The following CNTLN variants were observed in gnomAD, a reference collection of about 807,000 sequenced individuals.
CNTLN encodes the protein centlein.
A neutral mutation model predicts 180.0 loss-of-function variants in CNTLN; 212 were observed. That is an observed-to-expected ratio of 1.18 (90% confidence interval 1.05 to 1.32). The LOEUF (loss-of-function observed/expected upper bound fraction) is 1.32. Among genes scored for constraint, CNTLN ranks in the 40% most tolerant of loss-of-function variants. The pLI is 0.00. For missense variants in CNTLN, 2,095 were observed against 1,610.9 expected, an observed-to-expected ratio of 1.30 and a Z score of -5.14; for synonymous variants, 722 against 563.1, an observed-to-expected ratio of 1.28 and a Z score of -3.99.
intron 5 of CNTLN, among the ~76,000 whole-genome samples, chr9:17,267,448 C>G (rs1249350214): frequency 6.6e-6 from 1 of 152,086 alleles, no homozygotes; most frequent in East Asian, 1.9e-4. Context: ...GTAACCCGAC[C>G]TTTCTCTCTG....
rs559368244 is a variant in CNTLN, at chr9:17,153,567, CT to C, written c.449+10194del. ...GGCTTCCCTTTGCGGGTAACCCAAT[CT>C]TTCTTACTGCCCTTAACATTTTTTC... On this transcript the variant is annotated intron_variant, in intron 2 of 25. Transcript: ENST00000380647. 3.0e-4 allele frequency among the ~76,000 whole-genome samples: 46 copies of C among 152,314 alleles called. 1 individual carries two copies. Among genetic ancestry groups the C allele is most frequent in the African/African-American group, 1.1e-3 (45 of 41,580 alleles).
intron 2 of CNTLN, among the ~76,000 whole-genome samples, chr9:17,177,477 C>T (rs938038475): frequency 6.6e-6 from 1 of 152,154 alleles, no homozygotes; most frequent in Admixed American, 6.5e-5. Context: ...TTCTTCGTCT[C>T]ACTGACTTCA....
intron 13 of CNTLN, among the ~76,000 whole-genome samples, chr9:17,378,669 C>G (rs1824980235): frequency 6.6e-6 from 1 of 151,882 alleles, no homozygotes; most frequent in South Asian, 2.1e-4. Context: ...TGTGGCTTTT[C>G]TTTTACAATT....
intron 2 of CNTLN, among the ~76,000 whole-genome samples, chr9:17,178,538 A>G (rs1820886856): frequency 6.6e-6 from 1 of 152,054 alleles, no homozygotes; most frequent in Non-Finnish European, 1.5e-5. Context: ...TGGGGGACTC[A>G]GGCATGGCGA....
chr9:17,491,143 A>G (rs989350202), intron 25 of CNTLN, among the ~76,000 whole-genome samples: 1 of 152,100 alleles, frequency 6.6e-6, no homozygotes, highest in Non-Finnish European at 1.5e-5. Context: ...TATGATACCC[A>G]AAACAGTCCT....
At chr9:17,345,012 CCG>C (rs1821770221) in intron 12 of CNTLN, among the ~76,000 whole-genome samples, 2 of 152,122 alleles carry the variant, frequency 1.3e-5, no homozygotes, top group Non-Finnish European at 1.5e-5. Flanking sequence ...TGGCTTCTTT[CCG>C]CATAATGTCT....
chr9:17,454,520 C>T (rs1830996487), intron 18 of CNTLN, among the ~76,000 whole-genome samples: 1 of 152,150 alleles, frequency 6.6e-6, no homozygotes, highest in African/African-American at 2.4e-5. Flanking sequence ...AGTTTTCTGT[C>T]ATGGGAGAAA....
chr9:17,239,415 T>C (rs908999897), intron 5 of CNTLN, among the ~76,000 whole-genome samples: 3 of 151,910 alleles, frequency 2.0e-5, no homozygotes, highest in African/African-American at 7.3e-5. Flanking sequence ...TTTTCTTAAA[T>C]TCTTTGTTAC....
chr9:17,291,197 C>G (rs606382), intron 6 of CNTLN, among the ~76,000 whole-genome samples: 25,153 of 152,098 alleles, frequency 0.17, 2,266 homozygotes, highest in South Asian at 0.28. Context: ...TTTGTATTTG[C>G]TGAGGAGTGT....
chr9:17,272,674 G>C (rs1483671391), intron 5 of CNTLN, among the ~76,000 whole-genome samples: 1 of 152,100 alleles, frequency 6.6e-6, no homozygotes, highest in Non-Finnish European at 1.5e-5. Context: ...TTTCTTCTGT[G>C]TCTCCAGACC....
chr9:17,500,924 T>C (rs1445270535), intron 25 of CNTLN, among the ~76,000 whole-genome samples: 1 of 152,202 alleles, frequency 6.6e-6, no homozygotes, highest in Non-Finnish European at 1.5e-5. Context: ...AGGTAACTCT[T>C]TTTTACATCC....
chr9:17,431,145 G>T (rs1189043976), intron 18 of CNTLN, among the ~76,000 whole-genome samples: 1 of 151,954 alleles, frequency 6.6e-6, no homozygotes, highest in Non-Finnish European at 1.5e-5. Flanking sequence ...TTCCATAGTG[G>T]TGTACTAATT....
intron 2 of CNTLN, among the ~76,000 whole-genome samples, chr9:17,165,134 G>A (rs117589690): frequency 1.3e-5 from 2 of 152,042 alleles, no homozygotes; most frequent in East Asian, 1.9e-4. Flanking sequence ...CATTGCGCCC[G>A]GCCTCTTAGA....
chr9:17,392,311 T>C (rs938903244), intron 14 of CNTLN, among the ~76,000 whole-genome samples: 2 of 152,126 alleles, frequency 1.3e-5, no homozygotes, highest in Non-Finnish European at 2.9e-5. Flanking sequence ...ATTTAAAAAA[T>C]AGAGTATGTT....
intron 5 of CNTLN, among the ~76,000 whole-genome samples, chr9:17,263,274 T>A (rs1827150022): frequency 7.0e-6 from 1 of 142,902 alleles, no homozygotes; most frequent in Non-Finnish European, 1.5e-5. Flanking sequence ...TTCCCACCAG[T>A]GAGTGAGAAC....
chr9:17,351,194 C>T (rs1238178952), intron 12 of CNTLN, among the ~76,000 whole-genome samples: 3 of 152,138 alleles, frequency 2.0e-5, no homozygotes, highest in East Asian at 1.9e-4. Flanking sequence ...GCCAGCTTTT[C>T]CCCCTGAAAT....
At chr9:17,327,901 C>T (rs993077689) in intron 8 of CNTLN, among the ~76,000 whole-genome samples, 2 of 151,574 alleles carry the variant, frequency 1.3e-5, no homozygotes, top group Non-Finnish European at 2.9e-5. Flanking sequence ...TGCAGTGAGC[C>T]GAGATTGCAC....
intron 18 of CNTLN, among the ~76,000 whole-genome samples, chr9:17,424,139 G>A (rs567446232): frequency 3.3e-5 from 5 of 152,050 alleles, no homozygotes; most frequent in Non-Finnish European, 5.9e-5. Flanking sequence ...AACTTAATTC[G>A]TTAGAATATA....
In CNTLN at chr9:17,247,834, C is replaced by CTT. The variant is rs1217713916; in HGVS notation, c.849+11260_849+11261dup. Among the ~76,000 whole-genome samples, 821 of 95,488 alleles carry CTT rather than the reference C, an allele frequency of 8.6e-3. 18 individuals carry two copies. Among genetic ancestry groups the CTT allele is most frequent in the East Asian group, 0.065 (206 of 3,186 alleles). The allele number at this position is 95,488 out of a possible 152,430, so 62.6% of individuals were successfully genotyped here. On this transcript the variant is annotated intron_variant, in intron 5 of 25. Transcript: ENST00000380647. The stretch of plus-strand genomic sequence containing the variant: ...TGATCATGTGGTTTCTCTGTTCTTT[C>CTT]TTTTTTTTTTTTTTTGAGACAGGGT...
Sources: gnomAD v4.1 joint callset for allele counts (sites outside exome capture counted in the v4.1 genomes callset) on GRCh38, gnomAD v4.1.1 for gene constraint, MANE v1.5 for transcripts, NCBI Gene and HGNC (gene_info 2026-07-23, HGNC 2026-07-21) for gene names.